Variants in PARL observed in about 807,000 individuals in gnomAD.
PARL encodes the protein presenilin associated rhomboid like.
In PARL, 44 loss-of-function variants were observed where a neutral mutation model predicts 51.6. The observed-to-expected ratio is 0.85, with a 90% CI of 0.67 to 1.10. The LOEUF is 1.10. PARL is among the 50% of genes least tolerant of loss of function. The pLI, the probability that PARL is intolerant of heterozygous loss-of-function variation, is 0.00. For missense variants in PARL, 441 were observed against 469.5 expected (o/e 0.94, Z 0.56); for synonymous variants, 172 against 164.0 (o/e 1.05, Z -0.37).
intron 9 of PARL, among the ~76,000 whole-genome samples, chr3:183,831,847 T>TTAAA (rs1727977278): frequency 6.6e-6 from 1 of 152,162 alleles, no homozygotes; most frequent in Non-Finnish European, 1.5e-5. Context: ...GAAAAGGAGT[T>TTAAA]TAAATTAGAA....
intron 4 of PARL, 74 bp downstream of exon 4, chr3:183,862,679 G>T: frequency 2.7e-6 from 3 of 1,121,974 alleles, no homozygotes; most frequent in Non-Finnish European, 4.1e-6. Context: ...AAGAGCCATT[G>T]CTTGTGACAT....
intron 4 of PARL, among the ~76,000 whole-genome samples, chr3:183,855,820 C>G (rs577137234): frequency 1.3e-5 from 2 of 152,034 alleles, no homozygotes; most frequent in African/African-American, 4.8e-5. Context: ...GTTACCCAGG[C>G]GTGATGACAG....
intron 4 of PARL, 73 bp downstream of exon 4, chr3:183,862,680 C>T: frequency 1.7e-6 from 2 of 1,147,574 alleles, no homozygotes; most frequent in Non-Finnish European, 2.6e-6. Flanking sequence ...AGAGCCATTG[C>T]TTGTGACATA....
intron 4 of PARL, among the ~76,000 whole-genome samples, chr3:183,848,572 C>T (rs750354208): frequency 6.6e-6 from 1 of 152,184 alleles, no homozygotes; most frequent in South Asian, 2.1e-4. Flanking sequence ...TCTTGAAAAC[C>T]GAGGTAGCTG....
At chr3:183,847,925 G>C (rs1340977675) in intron 4 of PARL, among the ~76,000 whole-genome samples, 1 of 152,204 alleles carries the variant, frequency 6.6e-6, no homozygotes, top group Non-Finnish European at 1.5e-5. Flanking sequence ...CCACTTAGGA[G>C]GGATGTCACC....
chr3:183,871,708 T>G (rs1733237539), intron 1 of PARL, among the ~76,000 whole-genome samples: 1 of 152,094 alleles, frequency 6.6e-6, no homozygotes, highest in South Asian at 2.1e-4. Context: ...GATGAGCGAT[T>G]GCCTGGAATG....
At chr3:183,828,056 C>T (rs575917164), downstream of PARL, among the ~76,000 whole-genome samples, 1 of 152,212 alleles carries the variant, frequency 6.6e-6, no homozygotes, top group African/African-American at 2.4e-5. Context: ...AGTGAAGCAC[C>T]CTCGTGGGCA....
chr3:183,848,464 A>G (rs1036102923), intron 4 of PARL, among the ~76,000 whole-genome samples: 4 of 152,178 alleles, frequency 2.6e-5, no homozygotes. Context: ...GATGGTCTCA[A>G]TCTCCTGACC....
rs1734354380 is a variant in PARL, at chr3:183,880,826, CT to C, written c.125+3895del. Among the ~76,000 whole-genome samples the C allele has an allele frequency of 2.0e-5, 3 of 151,984 alleles. No homozygotes were observed. In the East Asian group the frequency reaches 5.8e-4, roughly 29 times the overall value. ...TGTTTTGGTTTTTTATTTTTTGGGT[CT>C]TTTTTTGAGACAGGGTTGCACTCTC... On this transcript the variant is annotated intron_variant, in intron 1 of 9. Coordinates refer to ENST00000317096, the MANE Select transcript of PARL (RefSeq NM_018622.7).
chr3:183,851,082 A>G (rs1222482632), intron 4 of PARL, among the ~76,000 whole-genome samples: 1 of 152,224 alleles, frequency 6.6e-6, no homozygotes, highest in Non-Finnish European at 1.5e-5. Flanking sequence ...TGGTGCTCAG[A>G]CAAGTGGATA....
intron 1 of PARL, among the ~76,000 whole-genome samples, chr3:183,870,374 A>G (rs1306485120): frequency 6.6e-6 from 1 of 151,214 alleles, no homozygotes; most frequent in East Asian, 2.0e-4. Context: ...TAAAATTCCT[A>G]GTCTAGTCCT....
chr3:183,844,866 C>T (rs1226202720), intron 4 of PARL: 1 of 153,456 alleles, frequency 6.5e-6, no homozygotes, highest in East Asian at 1.9e-4. Flanking sequence ...ACCTCTGCAA[C>T]TGCTTCTAAA....
chr3:183,865,882 CTTT>C (rs35207471), intron 3 of PARL, among the ~76,000 whole-genome samples: 4 of 141,834 alleles, frequency 2.8e-5, no homozygotes, highest in Non-Finnish European at 3.1e-5. Context: ...AATTTCTTTT[CTTT>C]TTTTTTTTTT....
chr3:183,868,083 G>A, intron 1 of PARL, 23 bp from the exon 2 acceptor site: 2 of 1,559,756 alleles, frequency 1.3e-6, no homozygotes, highest in Non-Finnish European at 1.8e-6. Flanking sequence ...AATAACAGAT[G>A]AGAAACACAG....
chr3:183,862,828 C>A lies in PARL; in HGVS notation c.463-27G>T, dbSNP rs531249570. On this transcript the variant is annotated intron_variant, in intron 3 of 9. Coordinates refer to ENST00000317096, the MANE Select transcript of PARL (RefSeq NM_018622.7). ...TAAAACAGACAGAAAATTGCATCAC[C>A]ACATGTGAGAAATTTCAGGCTACAA... The A allele has an allele frequency of 1.2e-5, 19 of 1,591,178 alleles. No homozygotes were observed. The African/African-American group carries it at 2.1e-4, about 18-fold the overall frequency.
intron 3 of PARL, among the ~76,000 whole-genome samples, chr3:183,863,735 G>A (rs917766919): frequency 3.9e-5 from 6 of 151,990 alleles, no homozygotes; most frequent in African/African-American, 1.5e-4. Context: ...CGCCCCGGCC[G>A]ATTCCATTTC....
At chr3:183,836,217 CAAAAAAAAAAAAAAA>C (rs56354792) in intron 7 of PARL, among the ~76,000 whole-genome samples, 6 of 84,290 alleles carry the variant, frequency 7.1e-5, no homozygotes, top group Admixed American at 1.4e-4. Context: ...AACTCCATCT[CAAAAAAAAAAAAAAA>C]AAAAAAAAAA....
At chr3:183,863,605 CT>C (rs983631429) in intron 3 of PARL, among the ~76,000 whole-genome samples, 9 of 151,200 alleles carry the variant, frequency 6.0e-5, no homozygotes, top group Non-Finnish European at 1.0e-4. Context: ...CATTTATTTT[CT>C]TTTTTTTTCT....
At chr3:183,858,298 C>A (rs901464253) in intron 4 of PARL, among the ~76,000 whole-genome samples, 3 of 151,984 alleles carry the variant, frequency 2.0e-5, no homozygotes, top group African/African-American at 4.8e-5. Context: ...CAGCTCAAAA[C>A]CTTGAAAAGG....
Sources: allele counts gnomAD v4.1 joint callset (sites outside exome capture counted in the v4.1 genomes callset), GRCh38; gene constraint gnomAD v4.1.1; transcripts MANE v1.5; gene names NCBI Gene and HGNC (gene_info 2026-07-23, HGNC 2026-07-21).